Variants in ABHD12 observed in about 807,000 individuals in gnomAD.
ABHD12 encodes the protein abhydrolase domain containing 12, lysophospholipase.
Under a neutral mutation model 58.3 loss-of-function variants are expected in ABHD12, and 43 were observed. The ratio of observed to expected loss-of-function variants is 0.74; its 90% CI spans 0.58 to 0.95. The LOEUF is 0.95. Among genes scored for constraint, ABHD12 ranks in the 40% least tolerant of loss-of-function variants. The pLI is 0.00. For missense variants in ABHD12, 539 were observed against 537.2 expected, an observed-to-expected ratio of 1.00 and a Z score of -0.03; for synonymous variants, 219 against 211.2, an observed-to-expected ratio of 1.04 and a Z score of -0.32.
At chr20:25,307,740 C>T (rs1302142899) in intron 9 of ABHD12, among the ~76,000 whole-genome samples, 1 of 152,248 alleles carries the variant, frequency 6.6e-6, no homozygotes, top group African/African-American at 2.4e-5. Context: ...CTGTGTCCAG[C>T]TGCCCTCAAA....
At chr20:25,307,567 C>T (rs2088768098) in intron 9 of ABHD12, among the ~76,000 whole-genome samples, 1 of 152,266 alleles carries the variant, frequency 6.6e-6, no homozygotes, top group Non-Finnish European at 1.5e-5. Flanking sequence ...TGGGCCTTTC[C>T]CCAAGATAAA....
At position 25,346,351 on chromosome 20, in the gene ABHD12, T is replaced by A. The variant is rs533966496; in HGVS notation, c.192-7000A>T. ...GGGATGATCAGGAAGAACACAGATT[T>A]CTAGGGCAGTGAAACTATTGTGTAT... is the stretch of plus-strand genomic sequence containing the variant. On this transcript the variant is annotated intron_variant, in intron 1 of 12. Transcript: ENST00000339157. Among the ~76,000 whole-genome samples the A allele has an allele frequency of 1.7e-4, 26 of 152,186 alleles. 1 individual carries two copies. Among genetic ancestry groups the A allele is most frequent in the Admixed American group, 1.6e-3 (25 of 15,282 alleles).
chr20:25,312,437 T>C (rs969174505), intron 6 of ABHD12, among the ~76,000 whole-genome samples: 2 of 149,860 alleles, frequency 1.3e-5, no homozygotes, highest in Non-Finnish European at 1.5e-5. Context: ...AGCATCGGCC[T>C]CCACAGGTGC....
chr20:25,311,164 G>A (rs540268863), intron 6 of ABHD12, among the ~76,000 whole-genome samples: 44 of 152,320 alleles, frequency 2.9e-4, no homozygotes, highest in African/African-American at 9.1e-4. Flanking sequence ...TTGTGAACGC[G>A]TTGGGTCACA....
intron 1 of ABHD12, among the ~76,000 whole-genome samples, chr20:25,348,238 T>A (rs1277517038): frequency 2.7e-5 from 4 of 150,754 alleles, no homozygotes; most frequent in Non-Finnish European, 5.9e-5. Context: ...AGTTCACAGA[T>A]AAAAACAACA....
chr20:25,311,723 G>A (rs1343137999), intron 6 of ABHD12, among the ~76,000 whole-genome samples: 4 of 152,080 alleles, frequency 2.6e-5, no homozygotes, highest in Admixed American at 1.3e-4. Context: ...TGAAATTTTT[G>A]AGACAGGGTC....
intron 1 of ABHD12, among the ~76,000 whole-genome samples, chr20:25,340,741 C>T (rs563053918): frequency 1.3e-5 from 2 of 152,326 alleles, no homozygotes; most frequent in Admixed American, 6.5e-5. Context: ...AAGACATCCA[C>T]AAAAGACTGT....
chr20:25,339,100 A>G lies in ABHD12; in HGVS notation c.316+127T>C. The G allele has an allele frequency of 4.8e-6, 7 of 1,471,348 alleles. No individual in the cohort carries two copies. In the South Asian group the frequency reaches 4.9e-5, roughly 10 times the overall value. The allele number at this position is 1,471,348 out of a possible 1,614,324, so 91.1% of individuals were successfully genotyped here. A position where few individuals can be genotyped will look rare whatever the true frequency, so the allele number is the denominator to read the frequency against. Reference sequence around the variant, plus strand: ...TAGGTATATAAACTGTACACTTAAGATATGTACCCTTCACTGTATGTAAAC... The same window carrying G: ...TAGGTATATAAACTGTACACTTAAGGTATGTACCCTTCACTGTATGTAAAC... On this transcript the variant is annotated intron_variant, in intron 2 of 12. Transcript: ENST00000339157.
chr20:25,335,284 A>G lies in ABHD12; in HGVS notation c.316+3943T>C, dbSNP rs1331271495. Among the ~76,000 whole-genome samples the G allele has an allele frequency of 2.0e-3, 299 of 151,972 alleles. 2 individuals carry two copies. The highest frequency in any genetic ancestry group is 6.9e-3 in the African/African-American group (285 of 41,450). The stretch of plus-strand genomic sequence containing the variant: ...ACCATTTCACACCAGTTAGAATGGC[A>G]ATCATTAAAAAGTCAGGAAACAACA... On this transcript the variant is annotated intron_variant, in intron 2 of 12. Coordinates refer to ENST00000339157, the MANE Select transcript of ABHD12 (RefSeq NM_001042472.3).
intron 2 of ABHD12, among the ~76,000 whole-genome samples, chr20:25,324,728 G>A (rs748324709): frequency 7.3e-4 from 111 of 152,360 alleles, no homozygotes; most frequent in Non-Finnish European, 1.3e-3. Context: ...GAAACTCCCT[G>A]AGCGTCTGTC....
chr20:25,387,878 T>C (rs2090114260), intron 1 of ABHD12, among the ~76,000 whole-genome samples: 1 of 151,830 alleles, frequency 6.6e-6, no homozygotes, highest in Non-Finnish European at 1.5e-5. Flanking sequence ...CCGTCTCTAC[T>C]AAAACTACAA....
chr20:25,299,557 G>A (rs185216861), downstream of ABHD12, among the ~76,000 whole-genome samples: 138 of 152,150 alleles, frequency 9.1e-4, 1 homozygote, highest in Non-Finnish European at 1.4e-3. Flanking sequence ...CCTCTGCTTC[G>A]TGGTCAGGAG....
At position 25,314,960 on chromosome 20, in the gene ABHD12, G is replaced by T. The variant is rs765831886; in HGVS notation, c.584C>A (p.Ser195Tyr). The T allele has an allele frequency of 1.2e-6, 2 of 1,614,218 alleles. No individual in the cohort carries two copies. The highest frequency in any genetic ancestry group is 4.5e-5 in the East Asian group (2 of 44,886). ...HRVELYKVLSSLGYHVVTFDY... is the reference protein window; with the variant it reads ...HRVELYKVLSYLGYHVVTFDY... ...AAAGGTGACCACATGGTAACCAAGG[G>T]AACTCAGCACCTGTAAAGTGAAAAA... Residue 195 changes from serine to tyrosine, a missense_variant, in exon 6 of 13, where the codon TCC becomes TAC. Physicochemically the swap from Ser to Tyr is moderately radical, Grantham distance 144 (BLOSUM62 -2). Coordinates refer to ENST00000339157, the MANE Select transcript of ABHD12 (RefSeq NM_001042472.3).
At chr20:25,369,862 A>G (rs2027003) in intron 1 of ABHD12, among the ~76,000 whole-genome samples, 92,495 of 150,026 alleles carry the variant, frequency 0.62, 30,064 homozygotes, top group African/African-American at 0.79. Flanking sequence ...AGAGGATTGC[A>G]TAAGGCCAGG....
At chr20:25,355,244 CAAG>C (rs1268122361) in intron 1 of ABHD12, among the ~76,000 whole-genome samples, 8 of 152,106 alleles carry the variant, frequency 5.3e-5, no homozygotes, top group African/African-American at 1.4e-4. Context: ...CTCCAGACTA[CAAG>C]AAGAGCACTT....
intron 1 of ABHD12, among the ~76,000 whole-genome samples, chr20:25,342,945 C>A (rs1269795095): frequency 6.6e-6 from 1 of 151,798 alleles, no homozygotes; most frequent in Admixed American, 6.6e-5. Context: ...TAGGCATGTG[C>A]CACTATGCCC....
chr20:25,301,009 G>C, intron 12 of ABHD12, 125 bp from the exon 13 acceptor site: 1 of 991,922 alleles, frequency 1.0e-6, no homozygotes, highest in Non-Finnish European at 1.5e-6. Flanking sequence ...AGAGCCCCAT[G>C]AGGATGCGCT....
At chr20:25,297,486 C>T (rs1014318860), downstream of ABHD12, 5 of 152,452 alleles carry the variant, frequency 3.3e-5, no homozygotes, top group African/African-American at 9.6e-5. Context: ...GCTCCATTCT[C>T]CCTCCCTTTC....
In ABHD12 at chr20:25,300,240, A is replaced by G. The variant is rs2145912741; in HGVS notation, c.*605T>C. The G allele has an allele frequency of 1.0e-6, 1 of 999,524 alleles. No individual in the cohort carries two copies. The highest frequency in any genetic ancestry group is 1.7e-5 in the African/African-American group (1 of 57,638). 61.9% of individuals were successfully genotyped at this position (999,524 alleles called of 1,614,324 possible). ...ACCACCACCACGATTTTATTCTTAA[A>G]TAAAGCTCAGTCTAAGGCCAGGTTA... On this transcript the variant is annotated 3_prime_UTR_variant, in exon 13 of 13. Coordinates refer to ENST00000339157, the MANE Select transcript of ABHD12 (RefSeq NM_001042472.3).
Sources: gnomAD v4.1 joint callset for allele counts (sites outside exome capture counted in the v4.1 genomes callset) on GRCh38, gnomAD v4.1.1 for gene constraint, MANE v1.5 for transcripts, NCBI Gene and HGNC (gene_info 2026-07-23, HGNC 2026-07-21) for gene names.